The following DPP6 variants were observed in gnomAD, a reference collection of about 807,000 sequenced individuals.
The protein encoded by DPP6 is dipeptidyl peptidase like 6.
Under a neutral mutation model 122.6 loss-of-function variants are expected in DPP6, and 69 were observed. The observed-to-expected ratio is 0.56, with a 90% CI of 0.46 to 0.69. The LOEUF (loss-of-function observed/expected upper bound fraction) is 0.69, where lower values mean the gene tolerates loss of function less well. DPP6 is among the 30% of genes least tolerant of loss of function. The pLI, the probability that DPP6 is intolerant of heterozygous loss-of-function variation, is 0.00. For missense variants in DPP6, 928 were observed against 1,116.9 expected (o/e 0.83, Z 2.41); for synonymous variants, 418 against 433.1 (o/e 0.97, Z 0.43).
chr7:153,872,895 C>T, the DPP6 span, among the ~76,000 whole-genome samples: 3 of 152,202 alleles, frequency 2.0e-5, no homozygotes, highest in Admixed American at 1.3e-4. Flanking sequence ...TACAATTGAA[C>T]TTTTATTGTA....
the DPP6 span, among the ~76,000 whole-genome samples, chr7:153,824,576 C>T: frequency 2.6e-5 from 4 of 151,174 alleles, no homozygotes; most frequent in African/African-American, 7.3e-5. Context: ...CTCAGCCACT[C>T]GGGAGGCTAA....
intron 2 of DPP6, among the ~76,000 whole-genome samples, chr7:154,472,266 TGA>T (rs1822341070): frequency 6.6e-6 from 1 of 152,258 alleles, no homozygotes. Context: ...TCAAATACAA[TGA>T]GAGAATCTCC....
At chr7:154,536,704 A>G (rs919362714) in intron 3 of DPP6, among the ~76,000 whole-genome samples, 13 of 152,200 alleles carry the variant, frequency 8.5e-5, no homozygotes, top group African/African-American at 3.1e-4. Context: ...AAGGTACATA[A>G]TTTCACAGTG....
intron 7 of DPP6, among the ~76,000 whole-genome samples, chr7:154,721,915 C>G (rs1469034727): frequency 6.6e-6 from 1 of 150,800 alleles, no homozygotes; most frequent in Non-Finnish European, 1.5e-5. Context: ...CCTCTAATCC[C>G]AACACTTGTG....
the DPP6 span, among the ~76,000 whole-genome samples, chr7:153,806,972 C>T: frequency 4.6e-5 from 7 of 152,020 alleles, no homozygotes; most frequent in Middle Eastern, 3.2e-3. Flanking sequence ...AGGACCCCTC[C>T]GGCCTTTTTT....
chr7:153,831,831 A>C, the DPP6 span, among the ~76,000 whole-genome samples: 3 of 152,176 alleles, frequency 2.0e-5, no homozygotes, highest in Non-Finnish European at 4.4e-5. Context: ...GAAGAAGATG[A>C]GGGGGCTGAG....
the DPP6 span, among the ~76,000 whole-genome samples, chr7:153,775,563 T>A: frequency 6.6e-6 from 1 of 151,882 alleles, no homozygotes; most frequent in African/African-American, 2.4e-5. Flanking sequence ...AAATAGTATT[T>A]TATTTACTTA....
chr7:154,433,540 G>A (rs1416726814), intron 1 of DPP6, among the ~76,000 whole-genome samples: 2 of 151,968 alleles, frequency 1.3e-5, no homozygotes, highest in Non-Finnish European at 2.9e-5. Context: ...CCTGTCCCCA[G>A]AGACTCCAGT....
chr7:153,974,534 G>A (rs558715803), intron 1 of DPP6, among the ~76,000 whole-genome samples: 3 of 152,182 alleles, frequency 2.0e-5, no homozygotes, highest in African/African-American at 7.2e-5. Flanking sequence ...AAGAGAAAGA[G>A]GGGAACAGAA....
At chr7:154,747,881 C>T (rs545972692) in intron 8 of DPP6, among the ~76,000 whole-genome samples, 36 of 152,224 alleles carry the variant, frequency 2.4e-4, no homozygotes, top group Admixed American at 2.6e-4. Flanking sequence ...GTAGTCCTCA[C>T]GTTATTAGTA....
At chr7:153,811,155 G>C in the DPP6 span, among the ~76,000 whole-genome samples, 5 of 152,310 alleles carry the variant, frequency 3.3e-5, no homozygotes, top group African/African-American at 9.6e-5. Flanking sequence ...ATTCCCATGA[G>C]AGGGAAGGCT....
chr7:154,451,377 A>AAG (rs1491017494), intron 2 of DPP6, among the ~76,000 whole-genome samples: 1 of 133,240 alleles, frequency 7.5e-6, no homozygotes, highest in Non-Finnish European at 1.6e-5. Flanking sequence ...AAAAAAAAAA[A>AAG]AAAGTGGAAT....
chr7:153,758,002 G>A, the DPP6 span, among the ~76,000 whole-genome samples: 1 of 152,116 alleles, frequency 6.6e-6, no homozygotes, highest in Non-Finnish European at 1.5e-5. Flanking sequence ...CAGAGTGTTT[G>A]CTATTATTAA....
intron 1 of DPP6, among the ~76,000 whole-genome samples, chr7:154,314,111 CGG>C (rs1202551416): frequency 6.6e-6 from 1 of 152,074 alleles, no homozygotes; most frequent in Non-Finnish European, 1.5e-5. Context: ...AGCTAACTTA[CGG>C]GGGAGTTGGG....
intron 1 of DPP6, among the ~76,000 whole-genome samples, chr7:154,207,443 C>T (rs1799508655): frequency 3.9e-5 from 6 of 152,126 alleles, no homozygotes; most frequent in Admixed American, 3.9e-4. Context: ...GTCTGTGCAC[C>T]TAAATCAGAC....
intron 1 of DPP6, among the ~76,000 whole-genome samples, chr7:154,061,979 C>A (rs183916591): frequency 9.2e-6 from 1 of 109,208 alleles, no homozygotes; most frequent in South Asian, 3.7e-4. Context: ...AGAGCTATCC[C>A]CTCTTCCGCC....
intron 1 of DPP6, chr7:154,059,462 G>T (rs56404363): frequency 6.9e-6 from 1 of 144,784 alleles, no homozygotes; most frequent in African/African-American, 2.6e-5. Context: ...CGACGGGTCC[G>T]AACGCAGCTC....
the DPP6 span, among the ~76,000 whole-genome samples, chr7:153,798,478 C>A: frequency 1.3e-5 from 2 of 152,202 alleles, no homozygotes; most frequent in South Asian, 4.1e-4. Flanking sequence ...ATTCAACCTA[C>A]TTGGGGCTGG....
In DPP6 at chr7:154,118,892, C is replaced by CA. The variant is rs766679638; in HGVS notation, c.243+65830dup. ...TTATCTTAGAACACATCCATTGATACATACACTGTTTCTTCTTCCCTATTA... is the reference window on the plus strand; with the variant it reads ...TTATCTTAGAACACATCCATTGATACAATACACTGTTTCTTCTTCCCTATTA... On this transcript the variant is annotated intron_variant, in intron 1 of 25. Transcript: ENST00000377770. Among the ~76,000 whole-genome samples, 13 of 149,418 alleles carry CA rather than the reference C, an allele frequency of 8.7e-5. No homozygotes were observed. In the East Asian group the frequency reaches 2.4e-3, roughly 27 times the overall value.
Sources: gnomAD v4.1 joint callset for allele counts (sites outside exome capture counted in the v4.1 genomes callset) on GRCh38, gnomAD v4.1.1 for gene constraint, MANE v1.5 for transcripts, NCBI Gene and HGNC (gene_info 2026-07-23, HGNC 2026-07-21) for gene names.